ZDHHC13: variants seen among roughly 807,000 people sequenced by gnomAD.
ZDHHC13 encodes palmitoyltransferase ZDHHC13.
Under a neutral mutation model 86.0 loss-of-function variants are expected in ZDHHC13, and 85 were observed. That is an observed-to-expected ratio of 0.99 (90% CI 0.83 to 1.18). The LOEUF is 1.18. Among genes scored for constraint, ZDHHC13 ranks in the 50% most tolerant of loss-of-function variants. The pLI, the probability that ZDHHC13 is intolerant of heterozygous loss-of-function variation, is 0.00. For missense variants in ZDHHC13, 711 were observed against 730.2 expected (o/e 0.97, Z 0.30); for synonymous variants, 263 against 246.4 (o/e 1.07, Z -0.63).
intron 9 of ZDHHC13, among the ~76,000 whole-genome samples, chr11:19,156,936 T>A (rs1304438330): frequency 6.6e-6 from 1 of 152,256 alleles, no homozygotes; most frequent in African/African-American, 2.4e-5. Context: ...ACTCCTTGCC[T>A]ATGGGGTATG....
At chr11:19,140,103 G>C (rs1210155153) in intron 1 of ZDHHC13, among the ~76,000 whole-genome samples, 9 of 149,436 alleles carry the variant, frequency 6.0e-5, no homozygotes, top group African/African-American at 2.0e-4. Flanking sequence ...CACAGCAAAA[G>C]AAACTACCAT....
chr11:19,154,366 T>G (rs1421799763), intron 8 of ZDHHC13, among the ~76,000 whole-genome samples: 1 of 152,116 alleles, frequency 6.6e-6, no homozygotes, highest in African/African-American at 2.4e-5. Context: ...TGCTAGGAGA[T>G]TCTAAATTTA....
At chr11:19,164,729 C>T (rs893000165) in intron 12 of ZDHHC13, 3 of 416,916 alleles carry the variant, frequency 7.2e-6, no homozygotes, top group Admixed American at 4.1e-5. Context: ...AGTAAATTCT[C>T]CCAAATTATT....
intron 9 of ZDHHC13, among the ~76,000 whole-genome samples, chr11:19,157,565 A>G (rs1243217324): frequency 2.6e-5 from 4 of 152,342 alleles, no homozygotes; most frequent in African/African-American, 9.6e-5. Context: ...ATTGTCTGCT[A>G]TTCAGACAAC....
chr11:19,147,461 C>A (rs1849495352), intron 3 of ZDHHC13, 135 bp from the exon 4 acceptor site: 2 of 675,818 alleles, frequency 3.0e-6, no homozygotes, highest in African/African-American at 1.8e-5. Context: ...TTCTATAGAT[C>A]TGGGTGTTTT....
intron 9 of ZDHHC13, among the ~76,000 whole-genome samples, chr11:19,158,410 C>T (rs1849816561): frequency 6.6e-6 from 1 of 151,938 alleles, no homozygotes. Flanking sequence ...TCATTTTTAG[C>T]CTTTGTGTAT....
rs191372351 is a variant in ZDHHC13, at chr11:19,144,569, G to A, written c.173+1446G>A. On this transcript the variant is annotated intron_variant, in intron 2 of 16. Coordinates refer to ENST00000446113, the MANE Select transcript of ZDHHC13 (RefSeq NM_019028.3). The stretch of plus-strand genomic sequence containing the variant: ...TGTTAAAGTTGACATTTAAAAGATG[G>A]AGAGTGTAAATGTATGTGTGTCATT... 8.1e-3 allele frequency among the ~76,000 whole-genome samples: 1,227 copies of A among 151,958 alleles called. 12 individuals carry two copies. The highest frequency in any genetic ancestry group is 0.028 in the African/African-American group (1,154 of 41,432).
chr11:19,153,796 C>T (rs568234237), intron 8 of ZDHHC13, among the ~76,000 whole-genome samples: 94 of 152,242 alleles, frequency 6.2e-4, no homozygotes, highest in African/African-American at 2.1e-3. Context: ...CCACCCTTCC[C>T]CTGACTAAGC....
intron 1 of ZDHHC13, among the ~76,000 whole-genome samples, chr11:19,132,636 TC>T (rs1849027030): frequency 6.6e-6 from 1 of 152,170 alleles, no homozygotes; most frequent in Non-Finnish European, 1.5e-5. Flanking sequence ...GCCTCTCTGA[TC>T]TCAAATTTCT....
At position 19,149,193 on chromosome 11, in the gene ZDHHC13, A is replaced by G; in HGVS notation, c.381A>G (p.Gly127=). 1 of 1,563,928 alleles carries G rather than the reference A, an allele frequency of 6.4e-7. No individual in the cohort carries two copies. The highest frequency in any genetic ancestry group is 8.7e-7 in the Non-Finnish European group (1 of 1,148,586). ...STPLHWAIRQ[G]HLPMVILLLQ... ...TTTTGTCTTCTATTTGCAGACAAGG[A>G]CATTTACCTATGGTCATATTATTAC... Residue 127 remains glycine (G), a synonymous_variant, in exon 5 of 17, where the codon GGA becomes GGG. Transcript: ENST00000446113.
chr11:19,133,543 T>C (rs1716295931), intron 1 of ZDHHC13, among the ~76,000 whole-genome samples: 1 of 152,158 alleles, frequency 6.6e-6, no homozygotes, highest in Non-Finnish European at 1.5e-5. Flanking sequence ...TGTTACTGTA[T>C]TGGAATGTTA....
intron 1 of ZDHHC13, among the ~76,000 whole-genome samples, chr11:19,140,920 G>GT (rs1419999962): frequency 1.8e-5 from 2 of 111,978 alleles, no homozygotes; most frequent in Non-Finnish European, 3.5e-5. Context: ...CTGTTGTGGG[G>GT]TGGGGGGAGG....
chr11:19,125,010 CA>C (rs1848843490), intron 1 of ZDHHC13, among the ~76,000 whole-genome samples: 1 of 152,242 alleles, frequency 6.6e-6, no homozygotes, highest in African/African-American at 2.4e-5. Flanking sequence ...GCAGCACAGT[CA>C]CCAGAAACAC....
chr11:19,159,907 C>G (rs952087894), intron 10 of ZDHHC13, among the ~76,000 whole-genome samples: 30 of 151,786 alleles, frequency 2.0e-4, no homozygotes, highest in African/African-American at 6.6e-4. Flanking sequence ...TTCCAAGGAC[C>G]CTGGGAAGCC....
intron 15 of ZDHHC13, among the ~76,000 whole-genome samples, chr11:19,171,063 T>G (rs1850208542): frequency 6.6e-6 from 1 of 152,252 alleles, no homozygotes; most frequent in South Asian, 2.1e-4. Context: ...TTTCCAGCGC[T>G]GTTTGTTACC....
chr11:19,172,869 C>A, intron 16 of ZDHHC13, 49 bp downstream of exon 16: 2 of 1,505,428 alleles, frequency 1.3e-6, no homozygotes, highest in South Asian at 2.5e-5. Flanking sequence ...GATCCCTAGT[C>A]ACTGGTTTCC....
intron 1 of ZDHHC13, among the ~76,000 whole-genome samples, chr11:19,140,059 A>C (rs1345043022): frequency 1.8e-3 from 244 of 136,822 alleles, no homozygotes; most frequent in South Asian, 3.5e-3. Flanking sequence ...GCCAAAATTG[A>C]CAAATGGGAT....
At chr11:19,126,502 ATTTTTTTTTTTTTT>A (rs754405966) in intron 1 of ZDHHC13, among the ~76,000 whole-genome samples, 1 of 95,150 alleles carries the variant, frequency 1.1e-5, no homozygotes, top group African/African-American at 5.0e-5. Context: ...ACCCTGGCTA[ATTTTTTTTTTTTTT>A]TTTTTTTTTT....
At chr11:19,136,373 A>T (rs1160645298) in intron 1 of ZDHHC13, among the ~76,000 whole-genome samples, 2 of 152,126 alleles carry the variant, frequency 1.3e-5, no homozygotes, top group Non-Finnish European at 2.9e-5. Context: ...AGTTTAGAGA[A>T]AAAAGAATAA....
Sources: gnomAD v4.1 joint callset for allele counts (sites outside exome capture counted in the v4.1 genomes callset) on GRCh38, gnomAD v4.1.1 for gene constraint, MANE v1.5 for transcripts, NCBI Gene and HGNC (gene_info 2026-07-23, HGNC 2026-07-21) for gene names.